The following DCBLD2 variants were observed in gnomAD, a reference collection of about 807,000 sequenced individuals.
DCBLD2 encodes discoidin, CUB and LCCL domain containing 2.
DCBLD2 carries 54 observed loss-of-function variants against 86.8 expected under a neutral mutation model. The ratio of observed to expected loss-of-function variants is 0.62; its 90% CI spans 0.50 to 0.78. DCBLD2 has a LOEUF of 0.78. Among genes scored for constraint, DCBLD2 ranks in the 30% least tolerant of loss-of-function variants. The probability of loss-of-function intolerance (pLI) is 0.00; values close to 1 mark genes in which losing one functional copy is unlikely to be tolerated. For missense variants in DCBLD2, 908 were observed against 954.2 expected (o/e 0.95, Z 0.64); for synonymous variants, 354 against 341.3 (o/e 1.04, Z -0.41).
At chr3:98,854,206 G>A (rs560727638) in intron 2 of DCBLD2, among the ~76,000 whole-genome samples, 6 of 152,220 alleles carry the variant, frequency 3.9e-5, no homozygotes, top group African/African-American at 1.4e-4. Flanking sequence ...GTACAGAAGA[G>A]GCCATGATAG....
chr3:98,815,810 T>G (rs1191215266), intron 9 of DCBLD2: 2 of 151,904 alleles, frequency 1.3e-5, no homozygotes, highest in African/African-American at 2.4e-5. Context: ...AAGAATAGAT[T>G]AGTGAACTTG....
At chr3:98,859,660 G>A (rs186380541) in intron 2 of DCBLD2, among the ~76,000 whole-genome samples, 4 of 152,224 alleles carry the variant, frequency 2.6e-5, no homozygotes, top group African/African-American at 9.6e-5. Flanking sequence ...CTCAGCTGAG[G>A]GCTATGACTG....
intron 3 of DCBLD2, among the ~76,000 whole-genome samples, chr3:98,833,744 A>G (rs1423735543): frequency 6.6e-6 from 1 of 152,192 alleles, no homozygotes; most frequent in Non-Finnish European, 1.5e-5. Flanking sequence ...GGTTCAGACC[A>G]GGCTTCAGTC....
intron 2 of DCBLD2, among the ~76,000 whole-genome samples, chr3:98,859,593 C>T (rs893138125): frequency 6.6e-6 from 1 of 152,232 alleles, no homozygotes; most frequent in Admixed American, 6.5e-5. Context: ...GCAGCCTCCA[C>T]TGCTGATACC....
chr3:98,881,967 T>C (rs1576201725), intron 1 of DCBLD2, among the ~76,000 whole-genome samples, 200 bp from the exon 2 acceptor site: 1 of 152,212 alleles, frequency 6.6e-6, no homozygotes, highest in Non-Finnish European at 1.5e-5. Context: ...ATATGATGTA[T>C]AGTGATCAGA....
intron 3 of DCBLD2, among the ~76,000 whole-genome samples, chr3:98,831,836 A>G (rs1248956880): frequency 6.6e-6 from 1 of 152,044 alleles, no homozygotes; most frequent in East Asian, 1.9e-4. Flanking sequence ...GTTCTTTTGC[A>G]TCTGCTGATT....
chr3:98,842,069 A>C (rs986632159), intron 3 of DCBLD2, among the ~76,000 whole-genome samples: 1 of 152,228 alleles, frequency 6.6e-6, no homozygotes, highest in African/African-American at 2.4e-5. Flanking sequence ...CATCTCAAAA[A>C]AGAAAGCACA....
At chr3:98,827,915 T>C (rs1339085689) in intron 3 of DCBLD2, among the ~76,000 whole-genome samples, 3 of 152,118 alleles carry the variant, frequency 2.0e-5, no homozygotes, top group Admixed American at 6.5e-5. Flanking sequence ...AATCTAGAAA[T>C]AAACCCTCAA....
chr3:98,878,767 C>T (rs1206590770), intron 2 of DCBLD2, among the ~76,000 whole-genome samples: 1 of 152,130 alleles, frequency 6.6e-6, no homozygotes, highest in Non-Finnish European at 1.5e-5. Context: ...ATCACTCAGG[C>T]CCCTTGACCT....
At chr3:98,867,864 A>G (rs1230357189) in intron 2 of DCBLD2, among the ~76,000 whole-genome samples, 1 of 150,992 alleles carries the variant, frequency 6.6e-6, no homozygotes, top group African/African-American at 2.4e-5. Flanking sequence ...GTGCAGTGGC[A>G]CAATCTTGGT....
At chr3:98,816,853 C>T (rs887079890) in intron 9 of DCBLD2, among the ~76,000 whole-genome samples, 1 of 152,166 alleles carries the variant, frequency 6.6e-6, no homozygotes, top group African/African-American at 2.4e-5. Flanking sequence ...GTGATCACAG[C>T]TCACTGCAGC....
intron 2 of DCBLD2, among the ~76,000 whole-genome samples, chr3:98,857,768 C>T (rs1219706445): frequency 6.6e-6 from 1 of 152,224 alleles, no homozygotes; most frequent in Admixed American, 6.5e-5. Flanking sequence ...TTCACAAACC[C>T]TGAGCCACAC....
In DCBLD2 at chr3:98,839,168, T is replaced by TTTCC. The variant is rs1559781561; in HGVS notation, c.571+10289_571+10292dup. Among the ~76,000 whole-genome samples the TTTCC allele has an allele frequency of 3.8e-3, 224 of 58,956 alleles. 3 individuals are homozygous for TTTCC. The highest frequency in any genetic ancestry group is 0.011 in the African/African-American group (216 of 20,502). The allele number at this position is 58,956 out of a possible 152,430, so 38.7% of individuals were successfully genotyped here. On this transcript the variant is annotated intron_variant, in intron 3 of 15. Transcript: ENST00000326840. ...CCTTCTTTCTTTCTTTCTTTCTTTCTTTCCTTTCTTTCTTCCTTCCTTCCT... is the reference window on the plus strand; with the variant it reads ...CCTTCTTTCTTTCTTTCTTTCTTTCTTTCCTTCCTTTCTTTCTTCCTTCCTTCCT...
intron 9 of DCBLD2, among the ~76,000 whole-genome samples, chr3:98,817,499 T>C (rs1270816393): frequency 2.0e-5 from 3 of 152,220 alleles, no homozygotes; most frequent in Non-Finnish European, 4.4e-5. Flanking sequence ...TTTTAGACTT[T>C]CTTAATAAAG....
chr3:98,827,820 C>G (rs1163775927), intron 3 of DCBLD2, among the ~76,000 whole-genome samples: 3 of 152,226 alleles, frequency 2.0e-5, no homozygotes, highest in Admixed American at 6.5e-5. Flanking sequence ...AATAAGAACA[C>G]AGCCTAGCTC....
At chr3:98,872,592 A>G (rs1943298330) in intron 2 of DCBLD2, among the ~76,000 whole-genome samples, 1 of 152,232 alleles carries the variant, frequency 6.6e-6, no homozygotes, top group Non-Finnish European at 1.5e-5. Flanking sequence ...AGGAAGGGGA[A>G]AGAAGTCTAG....
rs1259270248 is a variant in DCBLD2 at position 98,799,664 on chromosome 3, G to T, written c.2036C>A (p.Thr679Asn). ...CCCTGACATGTCCATGATGATTGGG[G>T]TTGCATACTCAGGCCCCGTAATTGG... is the stretch of plus-strand genomic sequence containing the variant. ...PLPITGPEYA[T>N]PIIMDMSGHP... is the part of the protein sequence containing the mutation. Residue 679 changes from threonine (T) to asparagine (N), a missense_variant, in exon 16 of 16, where the codon ACC (threonine) becomes AAC (asparagine). Thr to Asn is a moderately conservative substitution (Grantham distance 65). Coordinates refer to ENST00000326840, the MANE Select transcript of DCBLD2 (RefSeq NM_080927.4). 4 of 1,613,974 alleles carry T rather than the reference G, an allele frequency of 2.5e-6. No homozygotes were observed. The highest frequency in any genetic ancestry group is 3.4e-6 in the Non-Finnish European group (4 of 1,179,876).
At chr3:98,877,263 G>C (rs1163058263) in intron 2 of DCBLD2, among the ~76,000 whole-genome samples, 1 of 152,188 alleles carries the variant, frequency 6.6e-6, no homozygotes, top group South Asian at 2.1e-4. Flanking sequence ...TAACCACATT[G>C]AAGGGCAGGT....
At chr3:98,887,702 A>G (rs1464456276) in intron 1 of DCBLD2, among the ~76,000 whole-genome samples, 1 of 152,024 alleles carries the variant, frequency 6.6e-6, no homozygotes, top group African/African-American at 2.4e-5. Context: ...TTTTAGGTTC[A>G]TAATAAAACT....
Sources: gnomAD v4.1 joint callset for allele counts (sites outside exome capture counted in the v4.1 genomes callset) on GRCh38, gnomAD v4.1.1 for gene constraint, MANE v1.5 for transcripts, NCBI Gene and HGNC (gene_info 2026-07-23, HGNC 2026-07-21) for gene names.